Variants in KHDRBS2 observed in about 807,000 individuals in gnomAD.
The protein encoded by KHDRBS2 is KH domain-containing, RNA-binding, signal transduction-associated protein 2.
Under a neutral mutation model 44.3 loss-of-function variants are expected in KHDRBS2, and 26 were observed. That is an observed-to-expected ratio of 0.59 (90% CI 0.43 to 0.81). The LOEUF is 0.81. Among genes scored for constraint, KHDRBS2 ranks in the 40% least tolerant of loss-of-function variants. The pLI, the probability that KHDRBS2 is intolerant of heterozygous loss-of-function variation, is 0.00. For synonymous variants in KHDRBS2, 194 were observed against 151.1 expected (o/e 1.28, Z -2.08); for missense variants, 476 against 433.1 (o/e 1.10, Z -0.88).
At chr6:61,922,680 A>C (rs1320148060) in intron 4 of KHDRBS2, among the ~76,000 whole-genome samples, 3 of 152,080 alleles carry the variant, frequency 2.0e-5, no homozygotes, top group Admixed American at 2.0e-4. Context: ...AAGATCTTGC[A>C]TCAGTGATAG....
intron 1 of KHDRBS2, among the ~76,000 whole-genome samples, chr6:62,273,417 C>T (rs1037346591): frequency 6.6e-6 from 1 of 152,106 alleles, no homozygotes; most frequent in Non-Finnish European, 1.5e-5. Context: ...CCTTGTCTTA[C>T]TTGATCTACT....
intron 1 of KHDRBS2, 146 bp downstream of exon 1, chr6:62,285,712 G>T: frequency 1.7e-6 from 1 of 598,084 alleles, no homozygotes; most frequent in East Asian, 3.0e-5. Flanking sequence ...GGGTCTGTCC[G>T]CCCGAGCTCT....
the KHDRBS2 span, among the ~76,000 whole-genome samples, chr6:61,569,780 C>T: frequency 4.4e-4 from 67 of 152,224 alleles, 1 homozygote; most frequent in South Asian, 1.5e-3. Flanking sequence ...AGCATCAGCC[C>T]AGAGCCTGGT....
At chr6:62,017,840 T>C (rs951538268) in intron 3 of KHDRBS2, among the ~76,000 whole-genome samples, 4 of 152,102 alleles carry the variant, frequency 2.6e-5, no homozygotes, top group Admixed American at 2.6e-4. Flanking sequence ...GATGTTCAAT[T>C]ATTACTTTGA....
At chr6:62,106,773 C>T (rs549538118) in intron 2 of KHDRBS2, among the ~76,000 whole-genome samples, 24 of 152,246 alleles carry the variant, frequency 1.6e-4, no homozygotes, top group Admixed American at 1.4e-3. Flanking sequence ...CCCTGGGATG[C>T]AAGGCTGGTT....
At position 62,094,715 on chromosome 6, in the gene KHDRBS2, C is replaced by A. The variant is rs528760956; in HGVS notation, c.220-46721G>T. ...CAGTTCTTATATTTAAGTCTTTAATCCATTCAGAGTTGATTTTTGTATATG... is the reference window on the plus strand; with the variant it reads ...CAGTTCTTATATTTAAGTCTTTAATACATTCAGAGTTGATTTTTGTATATG... On this transcript the variant is annotated intron_variant, in intron 2 of 8. Transcript: ENST00000281156. Among the ~76,000 whole-genome samples the A allele has an allele frequency of 1.3e-4, 20 of 151,970 alleles. No homozygotes were observed. In the East Asian group the frequency reaches 3.7e-3, roughly 28 times the overall value.
chr6:62,137,343 C>T (rs1344222313), intron 2 of KHDRBS2, among the ~76,000 whole-genome samples: 3 of 152,056 alleles, frequency 2.0e-5, no homozygotes, highest in African/African-American at 7.2e-5. Flanking sequence ...GATCTTGTGC[C>T]TAATTGTTCT....
At chr6:62,126,663 A>AG (rs1809045337) in intron 2 of KHDRBS2, among the ~76,000 whole-genome samples, 1 of 152,206 alleles carries the variant, frequency 6.6e-6, no homozygotes, top group African/African-American at 2.4e-5. Context: ...GGGAAAAGTA[A>AG]GGGAAGGACT....
chr6:61,988,818 A>G (rs1775566977), intron 3 of KHDRBS2, among the ~76,000 whole-genome samples: 1 of 152,010 alleles, frequency 6.6e-6, no homozygotes, highest in African/African-American at 2.4e-5. Context: ...TTGCATTTCA[A>G]CAACCATATC....
intron 4 of KHDRBS2, among the ~76,000 whole-genome samples, chr6:61,976,863 A>T (rs943278510): frequency 3.3e-5 from 5 of 152,174 alleles, no homozygotes; most frequent in African/African-American, 1.2e-4. Flanking sequence ...AAAGGAAAAT[A>T]AAACGTAGCA....
intron 1 of KHDRBS2, among the ~76,000 whole-genome samples, chr6:62,202,817 G>A (rs1458103956): frequency 6.6e-6 from 1 of 152,124 alleles, no homozygotes; most frequent in Non-Finnish European, 1.5e-5. Context: ...TCAAGCAAGG[G>A]ATCCCTGTTC....
chr6:62,061,085 T>A (rs1791723737), intron 2 of KHDRBS2, among the ~76,000 whole-genome samples: 1 of 151,906 alleles, frequency 6.6e-6, no homozygotes, highest in African/African-American at 2.4e-5. Flanking sequence ...GTTAGATGGG[T>A]TTCCTGAATA....
chr6:62,275,300 A>G (rs903783358), intron 1 of KHDRBS2, among the ~76,000 whole-genome samples: 1 of 152,064 alleles, frequency 6.6e-6, no homozygotes, highest in Non-Finnish European at 1.5e-5. Flanking sequence ...AGCATACCAA[A>G]TGTTCTTTCA....
chr6:61,641,743 T>C, the KHDRBS2 span, among the ~76,000 whole-genome samples: 1 of 152,290 alleles, frequency 6.6e-6, no homozygotes, highest in African/African-American at 2.4e-5. Context: ...TGGTCTGTAC[T>C]TACAATATGT....
At chr6:61,777,000 A>G (rs1418061986) in intron 6 of KHDRBS2, among the ~76,000 whole-genome samples, 1 of 152,194 alleles carries the variant, frequency 6.6e-6, no homozygotes, top group Non-Finnish European at 1.5e-5. Context: ...GACATGGACG[A>G]AACTGGAAAC....
At position 61,941,723 on chromosome 6, in the gene KHDRBS2, T is replaced by A. The variant is rs140278505; in HGVS notation, c.483+36343A>T. 1.9e-4 allele frequency among the ~76,000 whole-genome samples: 29 copies of A among 152,114 alleles called. 1 individual carries two copies. Among genetic ancestry groups the A allele is most frequent in the Non-Finnish European group, 3.8e-4 (26 of 68,010 alleles). On this transcript the variant is annotated intron_variant, in intron 4 of 8. Coordinates refer to ENST00000281156, the MANE Select transcript of KHDRBS2 (RefSeq NM_152688.4). ...TGGACACAGAATCAAAGCCAAAGTG[T>A]CCTACATAACCAACACCGTAGATAC...
chr6:61,833,152 T>C (rs1219015058), intron 6 of KHDRBS2, among the ~76,000 whole-genome samples: 15 of 152,168 alleles, frequency 9.9e-5, no homozygotes, highest in Non-Finnish European at 4.4e-5. Context: ...AAAGACAAAA[T>C]GGTCAGGCTC....
chr6:61,834,349 C>T (rs1562269008), intron 6 of KHDRBS2, among the ~76,000 whole-genome samples: 2 of 151,906 alleles, frequency 1.3e-5, no homozygotes, highest in Non-Finnish European at 2.9e-5. Flanking sequence ...ATTTAATCAG[C>T]ATATGAAATA....
chr6:62,167,356 CAT>C (rs1818914860), intron 2 of KHDRBS2, among the ~76,000 whole-genome samples: 1 of 151,772 alleles, frequency 6.6e-6, no homozygotes, highest in Admixed American at 6.6e-5. Context: ...GGGATGAAAA[CAT>C]AAAAATTAAA....
Sources: allele counts gnomAD v4.1 joint callset (sites outside exome capture counted in the v4.1 genomes callset), GRCh38; gene constraint gnomAD v4.1.1; transcripts MANE v1.5; gene names NCBI Gene and HGNC (gene_info 2026-07-23, HGNC 2026-07-21).